Variants in SIRPG observed in about 807,000 individuals in gnomAD.
SIRPG encodes signal-regulatory protein gamma.
Under a neutral mutation model 35.7 loss-of-function variants are expected in SIRPG, and 38 were observed. The observed-to-expected ratio is 1.06, with a 90% confidence interval of 0.82 to 1.40. SIRPG has a LOEUF of 1.40. SIRPG is among the 40% of genes most tolerant of loss of function. The pLI, the probability that SIRPG is intolerant of heterozygous loss-of-function variation, is 0.00. For synonymous variants in SIRPG, 215 were observed against 190.4 expected (o/e 1.13, Z -1.06); for missense variants, 519 against 483.0 (o/e 1.07, Z -0.70).
chr20:1,670,877 T>C, the SIRPG span: 10,491 of 293,264 alleles, frequency 0.036, 280 homozygotes, highest in Non-Finnish European at 0.044. Flanking sequence ...GAGGATTCTC[T>C]ACCTTGAATG....
intron 2 of SIRPG, among the ~76,000 whole-genome samples, chr20:1,644,951 A>G (rs1324910096): frequency 6.6e-6 from 1 of 152,110 alleles, no homozygotes; most frequent in Non-Finnish European, 1.5e-5. Context: ...GTTCTTTTCC[A>G]TGGGAGCCTC....
Position 1,635,312 on chromosome 20 carries a change from C to G in SIRPG, c.1036G>C (p.Glu346Gln). 1.2e-6 allele frequency: 2 copies of G among 1,614,128 alleles called. No homozygotes were observed. The highest frequency in any genetic ancestry group is 2.2e-5 in the East Asian group (1 of 44,872). The stretch of plus-strand genomic sequence containing the variant: ...TGGTCCTTCTGGTGGACTGTGACCT[C>G]TAGGGCAAGGCGTTTGCTGACCGCC... Reference protein sequence around the residue: ...QLAVSKRLALEVTVHQKDQSS... With the variant: ...QLAVSKRLALQVTVHQKDQSS... The change falls in exon 4 of 6, where the codon GAG becomes CAG. Residue 346 changes from glutamate (E) to glutamine (Q), a missense_variant. By Grantham distance (29) the Glu-to-Gln change is conservative. Transcript: ENST00000303415.
the SIRPG span, among the ~76,000 whole-genome samples, chr20:1,663,533 G>A: frequency 2.6e-5 from 4 of 152,220 alleles, no homozygotes; most frequent in Non-Finnish European, 5.9e-5. Flanking sequence ...CAATCTGGTT[G>A]TTAAACTGTT....
chr20:1,648,997 A>G (rs2091917691), intron 2 of SIRPG, 55 bp downstream of exon 2: 3 of 1,419,378 alleles, frequency 2.1e-6, no homozygotes, highest in African/African-American at 2.8e-5. Flanking sequence ...GGAAGGTGTT[A>G]CTATTGAGTT....
At chr20:1,680,053 C>T in the SIRPG span, among the ~76,000 whole-genome samples, 1 of 152,178 alleles carries the variant, frequency 6.6e-6, no homozygotes, top group Admixed American at 6.5e-5. Context: ...GTATTAATGT[C>T]ATATAATCCA....
At chr20:1,679,079 C>A in the SIRPG span, among the ~76,000 whole-genome samples, 1 of 152,088 alleles carries the variant, frequency 6.6e-6, no homozygotes, top group African/African-American at 2.4e-5. Context: ...GTCTCCAGGC[C>A]CAAACTTCCC....
At chr20:1,641,180 A>T (rs1342693031) in intron 2 of SIRPG, among the ~76,000 whole-genome samples, 2 of 152,160 alleles carry the variant, frequency 1.3e-5, no homozygotes, top group African/African-American at 2.4e-5. Context: ...TTTCAGAAGG[A>T]ATGGTTCCAG....
At chr20:1,648,597 T>C (rs988013906) in intron 2 of SIRPG, 3 of 152,508 alleles carry the variant, frequency 2.0e-5, no homozygotes, top group Admixed American at 1.3e-4. Context: ...TGGCACACAG[T>C]GGGTTCTCAG....
At chr20:1,669,890 A>G in the SIRPG span, 4 of 166,492 alleles carry the variant, frequency 2.4e-5, no homozygotes, top group Non-Finnish European at 4.1e-5. Context: ...AAGAGACAAA[A>G]TTTTAAAATC....
chr20:1,651,178 A>C (rs1302730462), intron 1 of SIRPG: 1 of 152,208 alleles, frequency 6.6e-6, no homozygotes, highest in Non-Finnish European at 1.5e-5. Flanking sequence ...TGAAGAAATA[A>C]AGATGTCCAG....
At chr20:1,676,391 A>C in the SIRPG span, among the ~76,000 whole-genome samples, 2 of 152,228 alleles carry the variant, frequency 1.3e-5, no homozygotes, top group African/African-American at 4.8e-5. Context: ...TTACATATTT[A>C]TCAACAGAAT....
the SIRPG span, among the ~76,000 whole-genome samples, chr20:1,664,413 A>T: frequency 2.6e-5 from 4 of 152,098 alleles, no homozygotes; most frequent in Non-Finnish European, 5.9e-5. Context: ...GGAATCCAGA[A>T]GACAGAATAA....
the SIRPG span, among the ~76,000 whole-genome samples, chr20:1,681,532 T>C: frequency 2.0e-5 from 3 of 152,046 alleles, 1 homozygote; most frequent in South Asian, 6.2e-4. Flanking sequence ...ATGGAGGGTG[T>C]TCAAAAATTA....
chr20:1,659,109 CA>C (rs374443669), upstream of SIRPG, among the ~76,000 whole-genome samples: 63 of 152,024 alleles, frequency 4.1e-4, no homozygotes, highest in Middle Eastern at 0.01. Flanking sequence ...TAATTATAAG[CA>C]AAAAAACATG....
the SIRPG span, among the ~76,000 whole-genome samples, chr20:1,679,077 G>A: frequency 6.6e-6 from 1 of 152,128 alleles, no homozygotes; most frequent in African/African-American, 2.4e-5. Flanking sequence ...ATGTCTCCAG[G>A]CCCAAACTTC....
chr20:1,676,357 T>C, the SIRPG span, among the ~76,000 whole-genome samples: 2 of 152,252 alleles, frequency 1.3e-5, no homozygotes, highest in Admixed American at 1.3e-4. Context: ...AGGGTTCTTT[T>C]AATAGTTCAA....
chr20:1,631,082 G>C (rs1390474212), intron 4 of SIRPG, among the ~76,000 whole-genome samples: 1 of 152,148 alleles, frequency 6.6e-6, no homozygotes, highest in South Asian at 2.1e-4. Flanking sequence ...GCACATGTTT[G>C]GACGCTGCAT....
At chr20:1,657,541 C>T in intron 1 of SIRPG, 101 bp downstream of exon 1, 9 of 1,168,206 alleles carry the variant, frequency 7.7e-6, no homozygotes, top group South Asian at 2.5e-5. Context: ...CCTTGACCTT[C>T]CTTGGCAGTG....
the SIRPG span, among the ~76,000 whole-genome samples, chr20:1,668,637 C>T: frequency 3.9e-5 from 6 of 152,084 alleles, no homozygotes; most frequent in East Asian, 5.8e-4. Flanking sequence ...AATTTTAGCT[C>T]ACACACACCA....
Sources: gnomAD v4.1 joint callset for allele counts (sites outside exome capture counted in the v4.1 genomes callset) on GRCh38, gnomAD v4.1.1 for gene constraint, MANE v1.5 for transcripts, NCBI Gene and HGNC (gene_info 2026-07-23, HGNC 2026-07-21) for gene names.